SPOCK1: variants seen among roughly 807,000 people sequenced by gnomAD.
SPOCK1 encodes the protein testican-1.
SPOCK1 carries 23 observed loss-of-function variants against 55.3 expected under a neutral mutation model. The ratio of observed to expected loss-of-function variants is 0.42; its 90% CI spans 0.30 to 0.59. The LOEUF is 0.59. Ranked by LOEUF, SPOCK1 falls within the 20% of genes least tolerant of loss-of-function variation. The pLI is 0.22. For synonymous variants in SPOCK1, 226 were observed against 221.0 expected, an observed-to-expected ratio of 1.02 and a Z score of -0.20; for missense variants, 499 against 552.5, an observed-to-expected ratio of 0.90 and a Z score of 0.97.
At chr5:137,171,270 A>G (rs1369132) in intron 3 of SPOCK1, among the ~76,000 whole-genome samples, 101,113 of 151,986 alleles carry the variant, frequency 0.67, 34,105 homozygotes, top group African/African-American at 0.78. Context: ...TTCTACACAC[A>G]TGGAAAGGCA....
chr5:137,395,788 G>A (rs1259052575), intron 2 of SPOCK1, among the ~76,000 whole-genome samples: 1 of 152,156 alleles, frequency 6.6e-6, no homozygotes, highest in Non-Finnish European at 1.5e-5. Flanking sequence ...TAAGCTCAGC[G>A]GGCCAATCCA....
chr5:137,126,074 G>C (rs999679944), intron 4 of SPOCK1, among the ~76,000 whole-genome samples: 3 of 152,236 alleles, frequency 2.0e-5, no homozygotes, highest in Non-Finnish European at 2.9e-5. Flanking sequence ...AATGTAAGCT[G>C]TTTGGGTCAT....
chr5:137,318,229 C>T (rs899803823), intron 2 of SPOCK1, among the ~76,000 whole-genome samples: 3 of 152,134 alleles, frequency 2.0e-5, no homozygotes, highest in Non-Finnish European at 4.4e-5. Context: ...CCCCCCGCTG[C>T]CTCCACAGTA....
chr5:137,211,477 T>C (rs1279215557), intron 3 of SPOCK1, among the ~76,000 whole-genome samples: 1 of 152,242 alleles, frequency 6.6e-6, no homozygotes, highest in East Asian at 1.9e-4. Flanking sequence ...AAAGATTCTA[T>C]AGATACAGAA....
intron 2 of SPOCK1, among the ~76,000 whole-genome samples, chr5:137,479,842 C>T (rs185459039): frequency 4.1e-4 from 63 of 152,234 alleles, no homozygotes; most frequent in African/African-American, 1.4e-3. Context: ...CTGATAAAAG[C>T]GGGATAGGAA....
chr5:137,208,171 T>G (rs548334379), intron 3 of SPOCK1, among the ~76,000 whole-genome samples: 6 of 152,334 alleles, frequency 3.9e-5, no homozygotes, highest in African/African-American at 1.4e-4. Flanking sequence ...ATTATTTTTT[T>G]CTATTTACGA....
chr5:137,166,441 A>G (rs1276489251), intron 3 of SPOCK1, among the ~76,000 whole-genome samples: 1 of 152,028 alleles, frequency 6.6e-6, no homozygotes, highest in African/African-American at 2.4e-5. Context: ...ATTAGAAAAA[A>G]AAAAAGACAT....
chr5:137,292,007 A>G (rs891392389), intron 2 of SPOCK1, among the ~76,000 whole-genome samples: 13 of 152,230 alleles, frequency 8.5e-5, no homozygotes, highest in African/African-American at 3.1e-4. Context: ...CAGTCATGTG[A>G]TAAAAGCATC....
intron 2 of SPOCK1, among the ~76,000 whole-genome samples, chr5:137,283,479 C>T (rs573776645): frequency 3.3e-5 from 5 of 152,042 alleles, no homozygotes; most frequent in Non-Finnish European, 2.9e-5. Context: ...TATGGGAGGC[C>T]GAGGTGGGCA....
intron 2 of SPOCK1, among the ~76,000 whole-genome samples, chr5:137,435,462 A>AT (rs34160417): frequency 0.33 from 50,838 of 151,904 alleles, 8,571 homozygotes; most frequent in Middle Eastern, 0.45. Flanking sequence ...TTTCTTACCA[A>AT]TTTTTTTGTA....
chr5:137,305,659 G>A (rs115537036), intron 2 of SPOCK1, among the ~76,000 whole-genome samples: 2,890 of 152,228 alleles, frequency 0.019, 41 homozygotes, highest in Non-Finnish European at 0.028. Flanking sequence ...TATGATCTCC[G>A]CTGTAAAAAC....
chr5:137,181,661 C>T (rs1754971952), intron 3 of SPOCK1, among the ~76,000 whole-genome samples: 2 of 152,210 alleles, frequency 1.3e-5, no homozygotes, highest in Admixed American at 1.3e-4. Context: ...GAAACAGGGT[C>T]CCCACGGGCG....
At chr5:137,474,606 T>C (rs1753800370) in intron 2 of SPOCK1, among the ~76,000 whole-genome samples, 1 of 152,200 alleles carries the variant, frequency 6.6e-6, no homozygotes, top group Non-Finnish European at 1.5e-5. Context: ...ATTCCAGGAC[T>C]GGGGAAATGC....
At chr5:137,234,580 T>G (rs1233281339) in intron 3 of SPOCK1, among the ~76,000 whole-genome samples, 1 of 152,206 alleles carries the variant, frequency 6.6e-6, no homozygotes, top group Non-Finnish European at 1.5e-5. Context: ...CATATCCCAT[T>G]GTATCTTTTT....
intron 3 of SPOCK1, among the ~76,000 whole-genome samples, chr5:137,193,722 T>C (rs1412450721): frequency 6.6e-6 from 1 of 152,180 alleles, no homozygotes; most frequent in African/African-American, 2.4e-5. Flanking sequence ...TGGGTACAAC[T>C]AGCAGAGAAA....
chr5:137,148,698 A>T (rs534766365), intron 3 of SPOCK1, among the ~76,000 whole-genome samples: 1 of 152,336 alleles, frequency 6.6e-6, no homozygotes, highest in South Asian at 2.1e-4. Context: ...TATTATCCTA[A>T]TTCAACAATA....
intron 6 of SPOCK1, among the ~76,000 whole-genome samples, chr5:137,038,953 A>G (rs915793656): frequency 1.3e-5 from 2 of 152,146 alleles, no homozygotes; most frequent in African/African-American, 4.8e-5. Flanking sequence ...ACTTTTATTT[A>G]ATGCAGAGAG....
intron 3 of SPOCK1, among the ~76,000 whole-genome samples, chr5:137,257,332 G>A (rs568750880): frequency 4.6e-5 from 7 of 152,312 alleles, no homozygotes; most frequent in African/African-American, 1.4e-4. Flanking sequence ...TCTCCAATGT[G>A]GTGGCATTAG....
At chr5:137,325,112 G>A (rs1354675234) in intron 2 of SPOCK1, among the ~76,000 whole-genome samples, 1 of 152,164 alleles carries the variant, frequency 6.6e-6, no homozygotes, top group Non-Finnish European at 1.5e-5. Context: ...CTTTCCGAGA[G>A]GAAAGGTTTT....
Sources: allele counts gnomAD v4.1 joint callset (sites outside exome capture counted in the v4.1 genomes callset), GRCh38; gene constraint gnomAD v4.1.1; transcripts MANE v1.5; gene names NCBI Gene and HGNC (gene_info 2026-07-23, HGNC 2026-07-21).